The following OARD1 variants were observed in gnomAD, a reference collection of about 807,000 sequenced individuals.
OARD1 encodes the protein ADP-ribose glycohydrolase OARD1.
In OARD1, 19 loss-of-function variants were observed where a neutral mutation model predicts 19.7. That is an observed-to-expected ratio of 0.96 (90% confidence interval 0.67 to 1.41). The LOEUF is 1.41. Among genes scored for constraint, OARD1 ranks in the 40% most tolerant of loss-of-function variants. OARD1 has a pLI of 0.00. For synonymous variants in OARD1, 70 were observed against 61.8 expected, an observed-to-expected ratio of 1.13 and a Z score of -0.62; for missense variants, 190 against 183.8, an observed-to-expected ratio of 1.03 and a Z score of -0.20.
chr6:41,070,518 A>T (rs979439990), intron 3 of OARD1, among the ~76,000 whole-genome samples: 2 of 152,254 alleles, frequency 1.3e-5, no homozygotes, highest in Non-Finnish European at 2.9e-5. Flanking sequence ...GAGCTGTATA[A>T]GGCATTATGA....
At position 41,087,859 on chromosome 6, in the gene OARD1, A is replaced by AT. The variant is rs544441553; in HGVS notation, c.-42+9853_-42+9854insA. Among the ~76,000 whole-genome samples the AT allele has an allele frequency of 1.1e-4, 17 of 152,326 alleles. 1 individual carries two copies. In the South Asian group the frequency reaches 3.5e-3, roughly 32 times the overall value. On this transcript the variant is annotated intron_variant, in intron 1 of 4. Coordinates refer to the OARD1 transcript ENST00000480585. ...TCAGGTTTCTGATAACACTCCTAAT[A>AT]AAGTGGCTATAGCCATTAAAAAAAA...
upstream of OARD1, chr6:41,072,912 G>C (rs1254458095): frequency 6.5e-6 from 1 of 153,570 alleles, no homozygotes; most frequent in African/African-American, 2.4e-5. Context: ...TGGCCTCAGA[G>C]GCGCCTGCGC....
chr6:41,072,017 A>G (rs1428917008), intron 1 of OARD1, among the ~76,000 whole-genome samples: 7 of 152,330 alleles, frequency 4.6e-5, no homozygotes, highest in African/African-American at 1.7e-4. Flanking sequence ...CACGACGCAA[A>G]AGTATTTCCC....
chr6:41,080,053 G>C (rs138234829), intron 1 of OARD1, among the ~76,000 whole-genome samples: 1,542 of 152,268 alleles, frequency 0.01, 11 homozygotes, highest in Middle Eastern at 0.034. Flanking sequence ...TGCCCTGGAG[G>C]GTGGGTTTTT....
rs2114038655 is a variant in OARD1, at chr6:41,066,300, ATTTC to A, written c.*1031_*1034del. The A allele has an allele frequency of 6.6e-6, 1 of 151,286 alleles. No individual in the cohort carries two copies. The highest frequency in any genetic ancestry group is 1.5e-5 in the Non-Finnish European group (1 of 67,926). The allele number at this position is 151,286 out of a possible 1,614,324, so 9.4% of individuals were successfully genotyped here. A position where few individuals can be genotyped will look rare whatever the true frequency, so the allele number is the denominator to read the frequency against. On this transcript the variant is annotated 3_prime_UTR_variant, in exon 6 of 6. Transcript: ENST00000424266. Reference sequence around the variant, plus strand: ...CACCACCAGGCCCAGCTAATTTTTAATTTCTTTTTTTTTTGTAGAGACAGGGTCT... The same window carrying A: ...CACCACCAGGCCCAGCTAATTTTTAATTTTTTTTTTGTAGAGACAGGGTCT...
Position 41,070,877 on chromosome 6 carries a change from TA to T in OARD1, c.184+254del, listed in dbSNP as rs1318148574. The T allele has an allele frequency of 4.8e-5, 29 of 601,136 alleles. No individual in the cohort carries two copies. In the African/African-American group the frequency reaches 5.4e-4, roughly 11 times the overall value. The allele number at this position is 601,136 out of a possible 1,614,324, so 37.2% of individuals were successfully genotyped here. The stretch of plus-strand genomic sequence containing the variant: ...ACCTATAGACTAAGCATCTCAGAGT[TA>T]TTTCAAGTTTCAGAGAAGTACAGTA... On this transcript the variant is annotated intron_variant, in intron 3 of 5. Coordinates refer to ENST00000424266, the MANE Select transcript of OARD1 (RefSeq NM_001329686.2).
intron 1 of OARD1, among the ~76,000 whole-genome samples, chr6:41,091,195 T>A (rs1347246010): frequency 2.6e-5 from 4 of 152,246 alleles, no homozygotes; most frequent in Non-Finnish European, 5.9e-5. Context: ...CTGAAGCAGA[T>A]TGCTCATTAT....
intron 1 of OARD1, chr6:41,091,649 ACT>A: frequency 6.2e-7 from 1 of 1,614,176 alleles, no homozygotes; most frequent in Non-Finnish European, 8.5e-7. Context: ...TCACTGTGAC[ACT>A]ACCAGTGGCA....
Position 41,069,349 on chromosome 6 carries a change from T to C in OARD1, c.244-396A>G, listed in dbSNP as rs146054903. 612 of 156,014 alleles carry C rather than the reference T, an allele frequency of 3.9e-3. 12 individuals are homozygous for C. The South Asian group carries it at 0.06, about 15-fold the overall frequency. The allele number at this position is 156,014 out of a possible 1,614,324, so 9.7% of individuals were successfully genotyped here. ...TCCCTGCTAAAAGCCTCTACTTATT[T>C]AGAAACTGTGCTTGCTTGCTTTTTG... On this transcript the variant is annotated intron_variant, in intron 4 of 5. Coordinates refer to ENST00000424266, the MANE Select transcript of OARD1 (RefSeq NM_001329686.2).
At chr6:41,070,974 T>C (rs1007587325) in intron 3 of OARD1, 158 bp downstream of exon 3, 6 of 716,716 alleles carry the variant, frequency 8.4e-6, no homozygotes, top group African/African-American at 7.2e-5. Context: ...GGTTTTGATA[T>C]GGTAAACGTC....
intron 1 of OARD1, chr6:41,094,284 T>G (rs531618567): frequency 1.2e-6 from 1 of 834,550 alleles, no homozygotes; most frequent in Non-Finnish European, 1.9e-6. Flanking sequence ...AATTGTCCCT[T>G]GTGACTTTGA....
intron 2 of OARD1, 23 bp from the exon 3 acceptor site, chr6:41,071,299 G>C: frequency 6.2e-7 from 1 of 1,610,106 alleles, no homozygotes; most frequent in Middle Eastern, 1.7e-4. Flanking sequence ...CAAAGGAAAA[G>C]ACAATGTTTT....
chr6:41,092,888 A>G, intron 1 of OARD1: 1 of 1,601,252 alleles, frequency 6.2e-7, no homozygotes, highest in Non-Finnish European at 8.5e-7. Context: ...GCCACCAATA[A>G]GCTCTGGTTT....
intron 1 of OARD1, among the ~76,000 whole-genome samples, chr6:41,086,208 A>G (rs1037402287): frequency 3.1e-5 from 3 of 95,504 alleles, no homozygotes; most frequent in Non-Finnish European, 5.9e-5. Flanking sequence ...TAGTGGTCCA[A>G]GCTTTCATTA....
At chr6:41,092,808 C>G in intron 1 of OARD1, 2 of 1,223,298 alleles carry the variant, frequency 1.6e-6, no homozygotes, top group Non-Finnish European at 2.3e-6. Flanking sequence ...ATAAAAATTA[C>G]TTTTTGTGGC....
At position 41,080,941 on chromosome 6, in the gene OARD1, C is replaced by T. The variant is rs1243665574; in HGVS notation, c.-41-9266G>A. 11 of 1,472,892 alleles carry T rather than the reference C, an allele frequency of 7.5e-6. No homozygotes were observed. The Admixed American group carries it at 1.3e-4, about 18-fold the overall frequency. The allele number at this position is 1,472,892 out of a possible 1,614,324, so 91.2% of individuals were successfully genotyped here. ...CTCTGTGAGCACTGCATGAACTTCT[C>T]CTCTCCTCATGTCTGGTGCTGTTTG... On this transcript the variant is annotated intron_variant, in intron 1 of 4. Transcript: ENST00000480585.
At chr6:41,091,543 C>G in intron 1 of OARD1, 1 of 1,613,512 alleles carries the variant, frequency 6.2e-7, no homozygotes, top group Non-Finnish European at 8.5e-7. Flanking sequence ...GTCCCTGTTT[C>G]AGGCATGATC....
In OARD1 at chr6:41,080,386, C is replaced by T. The variant is rs188523822; in HGVS notation, c.-41-8711G>A. Among the ~76,000 whole-genome samples, 590 of 152,230 alleles carry T rather than the reference C, an allele frequency of 3.9e-3. 11 individuals are homozygous for T. The South Asian group carries it at 0.061, about 16-fold the overall frequency. ...GATTTCGGTTCATAGTGATTAATTA[C>T]TCCTCCTTTCTTGGTGATTGCATTT... On this transcript the variant is annotated intron_variant, in intron 1 of 4. Transcript: ENST00000480585.
At chr6:41,092,860 T>C in intron 1 of OARD1, 4 of 1,548,648 alleles carry the variant, frequency 2.6e-6, no homozygotes, top group South Asian at 1.2e-5. Context: ...AGAAACTGTT[T>C]CTATGTCCAT....
Sources: gnomAD v4.1 joint callset for allele counts (sites outside exome capture counted in the v4.1 genomes callset) on GRCh38, gnomAD v4.1.1 for gene constraint, MANE v1.5 for transcripts, NCBI Gene and HGNC (gene_info 2026-07-23, HGNC 2026-07-21) for gene names.